Variants in PSMB8 observed in about 807,000 individuals in gnomAD.
The protein encoded by PSMB8 is proteasome 20S subunit beta 8.
PSMB8 carries 20 observed loss-of-function variants against 32.3 expected under a neutral mutation model. The ratio of observed to expected loss-of-function variants is 0.62; its 90% CI spans 0.44 to 0.90. PSMB8 has a LOEUF of 0.90. PSMB8 is among the 40% of genes least tolerant of loss of function. The pLI, the probability that PSMB8 is intolerant of heterozygous loss-of-function variation, is 0.00. For synonymous variants in PSMB8, 131 were observed against 135.4 expected (o/e 0.97, Z 0.23); for missense variants, 342 against 365.4 (o/e 0.94, Z 0.52).
Position 32,841,019 on chromosome 6 carries a change from C to T in PSMB8, c.771G>A (p.Val257=), listed in dbSNP as rs1266137165. ...CACTGACATCTGTACTTTCTACTTT[C>T]ACCCAACCATCTTCCTTCATGTGGT... ...NMYHMKEDGW[V]KVESTDVSDL... The change falls in exon 6 of 6, where the codon GTG becomes GTA. Residue 257 remains valine (V), a synonymous_variant. Transcript: ENST00000374882. 6.2e-7 allele frequency: 1 copy of T among 1,613,192 alleles called. No individual in the cohort carries two copies. Among genetic ancestry groups the T allele is most frequent in the Non-Finnish European group, 8.5e-7 (1 of 1,179,270 alleles).
Position 32,843,884 on chromosome 6 carries a change from C to T in PSMB8, c.113G>A (p.Arg38Gln), listed in dbSNP as rs920899666. Residue 38 changes from arginine to glutamine, a missense_variant, in exon 1 of 6, where the codon CGA becomes CAA. Physicochemically the swap from Arg to Gln is conservative, Grantham distance 43. Coordinates refer to ENST00000374882, the MANE Select transcript of PSMB8 (RefSeq NM_148919.4). ...CCGGGGTAAAGCGAGCTCTGGAGAT[C>T]GCATAGAGAAACTGTAGTGTCCTGG... is the stretch of plus-strand genomic sequence containing the variant. ...SDPGHYSFSM[R>Q]SPELALPRGM... The T allele has an allele frequency of 6.2e-7, 1 of 1,612,866 alleles. No individual in the cohort carries two copies.
At chr6:32,841,957 G>T in intron 4 of PSMB8, 177 bp downstream of exon 4, 1 of 1,063,478 alleles carries the variant, frequency 9.4e-7, no homozygotes, top group Non-Finnish European at 1.4e-6. Flanking sequence ...CAAAACACAT[G>T]CAATGATTCA....
At position 32,843,901 on chromosome 6, in the gene PSMB8, G is replaced by T. The variant is rs774832810; in HGVS notation, c.96C>A (p.His32Gln). Residue 32 changes from histidine (H) to glutamine (Q), a missense_variant, in exon 1 of 6, where the codon CAC becomes CAA. Transcript: ENST00000374882. ...AGSGRRSDPG[H>Q]YSFSMRSPEL... is the part of the protein sequence containing the mutation. The stretch of plus-strand genomic sequence containing the variant: ...CTGGAGATCGCATAGAGAAACTGTA[G>T]TGTCCTGGGTCCGAGCGACGCCCGC... The T allele has an allele frequency of 3.7e-6, 6 of 1,612,702 alleles. No homozygotes were observed. Among genetic ancestry groups the T allele is most frequent in the Middle Eastern group, 1.6e-4 (1 of 6,084 alleles).
chr6:32,843,921 GC>G lies in PSMB8; in HGVS notation c.75del (p.Arg26ValfsTer59). The G allele has an allele frequency of 6.2e-7, 1 of 1,612,586 alleles. No homozygotes were observed. Among genetic ancestry groups the G allele is most frequent in the Non-Finnish European group, 8.5e-7 (1 of 1,179,918 alleles). ...CTGTAGTGTCCTGGGTCCGAGCGACGCCCGCTTCCCGCAACCGGGAGAGCCG... is the reference window on the plus strand; with the variant it reads ...CTGTAGTGTCCTGGGTCCGAGCGACGCCGCTTCCCGCAACCGGGAGAGCCG... ...PESALPVAGS[G>X]RRSDPGHYSF... On this transcript the variant is annotated frameshift_variant, in exon 1 of 6. Coordinates refer to ENST00000374882, the MANE Select transcript of PSMB8 (RefSeq NM_148919.4). LOFTEE classifies it high-confidence loss of function.
intron 4 of PSMB8, 24 bp downstream of exon 4, chr6:32,842,110 A>G (rs56410936): frequency 0.021 from 33,347 of 1,613,044 alleles, 396 homozygotes; most frequent in African/African-American, 0.025. Flanking sequence ...TGGTGGGGGA[A>G]CATGAAGAAT....
intron 4 of PSMB8, 140 bp from the exon 5 acceptor site, chr6:32,841,875 G>T: frequency 9.5e-7 from 1 of 1,056,488 alleles, no homozygotes. Flanking sequence ...CTTTGGTAAA[G>T]TCATCGAACT....
At position 32,842,245 on chromosome 6, in the gene PSMB8, AT is replaced by A. The variant is rs1769956720; in HGVS notation, c.425del (p.Asn142MetfsTer17). ...AKECRLYYLR[N>X]GERISVSAAS... ...CTGCCGACACTGAAATACGTTCTCC[AT>A]TTCGCAGATAGTACAGCCTGGGTGA... On this transcript the variant is annotated frameshift_variant, in exon 4 of 6. Coordinates refer to ENST00000374882, the MANE Select transcript of PSMB8 (RefSeq NM_148919.4). LOFTEE classifies it high-confidence loss of function. 7 of 1,613,026 alleles carry A rather than the reference AT, an allele frequency of 4.3e-6. No individual in the cohort carries two copies. The highest frequency in any genetic ancestry group is 1.3e-5 in the African/African-American group (1 of 74,940).
intron 3 of PSMB8, 130 bp downstream of exon 3, chr6:32,842,542 A>G (rs2127377711): frequency 1.0e-6 from 1 of 972,786 alleles, no homozygotes; most frequent in African/African-American, 1.6e-5. Context: ...CTTATCACCA[A>G]AAAGCTGTTT....
At chr6:32,844,203 G>C (rs1466214583), upstream of PSMB8, 2 of 1,579,690 alleles carry the variant, frequency 1.3e-6, no homozygotes, top group Non-Finnish European at 1.7e-6. Context: ...GATGGGTCAA[G>C]GGTCTTCCGA....
chr6:32,842,654 A>G lies in PSMB8; in HGVS notation c.407+18T>C. ...TTAACCACTAGGCTAAGAAAGGAAG[A>G]TGAGAGGCCTCGCTTACCTGCATTC... On this transcript the variant is annotated intron_variant, in intron 3 of 5. Transcript: ENST00000374882. The G allele has an allele frequency of 6.3e-7, 1 of 1,590,124 alleles. No homozygotes were observed. The highest frequency in any genetic ancestry group is 8.6e-7 in the Non-Finnish European group (1 of 1,158,842).
chr6:32,844,473 T>G, upstream of PSMB8: 1 of 1,598,988 alleles, frequency 6.3e-7, no homozygotes, highest in Admixed American at 1.7e-5. Flanking sequence ...AAACAGGTCC[T>G]GGGCCAACTG....
Position 32,842,749 on chromosome 6 carries a change from G to T in PSMB8, c.330C>A (p.Asn110Lys). ...CAGACATGGTGCCAAGCAGGTAAGG[G>T]TTAATCTCAATCACCTTGTTCACCC... Reference protein sequence around the residue: ...ALRVNKVIEINPYLLGTMSGC... With the variant: ...ALRVNKVIEIKPYLLGTMSGC... Residue 110 changes from asparagine to lysine, a missense_variant, in exon 3 of 6, where the codon AAC becomes AAA. Physicochemically the swap from Asn to Lys is moderately conservative, Grantham distance 94 (BLOSUM62 0). Coordinates refer to ENST00000374882, the MANE Select transcript of PSMB8 (RefSeq NM_148919.4). 1 of 1,614,238 alleles carries T rather than the reference G, an allele frequency of 6.2e-7. No individual in the cohort carries two copies. Among genetic ancestry groups the T allele is most frequent in the African/African-American group, 1.3e-5 (1 of 75,060 alleles).
intron 4 of PSMB8, 24 bp from the exon 5 acceptor site, chr6:32,841,759 T>A: frequency 6.2e-7 from 1 of 1,605,772 alleles, no homozygotes; most frequent in Admixed American, 1.7e-5. Context: ...GATTTCAGGC[T>A]GAAATTGGAG....
Position 32,844,022 on chromosome 6 carries a change from C to A in PSMB8, c.-26G>T, listed in dbSNP as rs1294512119. On this transcript the variant is annotated 5_prime_UTR_variant, in exon 1 of 6. Coordinates refer to ENST00000374882, the MANE Select transcript of PSMB8 (RefSeq NM_148919.4). ...GACCGCCCAGCACCCAGAGATCTGTCCGCTCTCGGAGGAGGAAGTGAAAGC... is the reference window on the plus strand; with the variant it reads ...GACCGCCCAGCACCCAGAGATCTGTACGCTCTCGGAGGAGGAAGTGAAAGC... The A allele has an allele frequency of 6.2e-7, 1 of 1,605,724 alleles. No homozygotes were observed. Among genetic ancestry groups the A allele is most frequent in the East Asian group, 2.2e-5 (1 of 44,728 alleles).
In PSMB8 at chr6:32,843,970, G is replaced by C; in HGVS notation, c.27C>G (p.Ala9=). Residue 9 remains alanine (A), a synonymous_variant, in exon 1 of 6, where the codon GCC becomes GCG. Coordinates refer to ENST00000374882, the MANE Select transcript of PSMB8 (RefSeq NM_148919.4). Reference sequence around the variant, plus strand: ...CCGATTCCGGCCGCTGCCCTCGGGGGGCTCCGCATACATCTAGTAGCGCCA... The same window carrying C: ...CCGATTCCGGCCGCTGCCCTCGGGGCGCTCCGCATACATCTAGTAGCGCCA... MALLDVCG[A]PRGQRPESAL... The C allele has an allele frequency of 6.2e-7, 1 of 1,612,434 alleles. No homozygotes were observed. Among genetic ancestry groups the C allele is most frequent in the Non-Finnish European group, 8.5e-7 (1 of 1,179,828 alleles).
rs775711211 is a variant in PSMB8, at chr6:32,843,803, C to T, written c.147+47G>A. On this transcript the variant is annotated intron_variant, in intron 1 of 5. Transcript: ENST00000374882. ...TCCTCTCAGGCGACCCTCCACTCCT[C>T]AGCGCCCGCCTCCCTGCATCCCTAG... 1.2e-5 allele frequency: 19 copies of T among 1,608,102 alleles called. No individual in the cohort carries two copies. The Admixed American group carries it at 2.7e-4, about 23-fold the overall frequency.
At chr6:32,842,307 T>G (rs1769962739) in intron 3 of PSMB8, 44 bp from the exon 4 acceptor site, 1 of 1,609,298 alleles carries the variant, frequency 6.2e-7, no homozygotes, top group Non-Finnish European at 8.5e-7. Context: ...GGTTAGCTCT[T>G]TCCAACTTGA....
chr6:32,843,829 G>A (rs1447424624), intron 1 of PSMB8, 21 bp downstream of exon 1: 1 of 1,612,128 alleles, frequency 6.2e-7, no homozygotes, highest in Non-Finnish European at 8.5e-7. Context: ...GCATCCCTAG[G>A]GGCTTCCCTA....
At chr6:32,843,116 G>C in intron 1 of PSMB8, 27 bp from the exon 2 acceptor site, 1 of 1,612,772 alleles carries the variant, frequency 6.2e-7, no homozygotes, top group Non-Finnish European at 8.5e-7. Context: ...GGTTGAGAAA[G>C]GCAATGAAAA....
Sources: allele counts gnomAD v4.1 joint callset, GRCh38; gene constraint gnomAD v4.1.1; transcripts MANE v1.5; gene names NCBI Gene and HGNC (gene_info 2026-07-23, HGNC 2026-07-21).